Variants in DNMT3B observed in about 807,000 individuals in gnomAD.
The protein encoded by DNMT3B is DNA (cytosine-5)-methyltransferase 3B.
A neutral mutation model predicts 120.2 loss-of-function variants in DNMT3B; 37 were observed. The observed-to-expected ratio is 0.31, with a 90% CI of 0.24 to 0.40. The LOEUF is 0.40. DNMT3B is among the 10% of genes least tolerant of loss of function. The probability of loss-of-function intolerance (pLI) is 1.00; values close to 1 mark genes in which losing one functional copy is unlikely to be tolerated. For missense variants in DNMT3B, 878 were observed against 1,137.3 expected, an observed-to-expected ratio of 0.77 and a Z score of 3.28; for synonymous variants, 412 against 442.8, an observed-to-expected ratio of 0.93 and a Z score of 0.87.
rs147854568 is a variant in DNMT3B, at chr20:32,800,724, G to C, written c.1906-111G>C. ...TCCACCCCCGCCGTCAGCCTTCCTG[G>C]GATTACAGGTGTGAGCCACCTCGTC... On this transcript the variant is annotated intron_variant, in intron 17 of 22. Transcript: ENST00000328111. 3.4e-4 allele frequency: 423 copies of C among 1,229,218 alleles called. 2 individuals are homozygous for C. In the African/African-American group the frequency reaches 5.9e-3, roughly 17 times the overall value. 76.1% of individuals were successfully genotyped at this position (1,229,218 alleles called of 1,614,324 possible). A position where few individuals can be genotyped will look rare whatever the true frequency, so the allele number is the denominator to read the frequency against.
intron 1 of DNMT3B, among the ~76,000 whole-genome samples, chr20:32,771,436 T>A (rs1238368849): frequency 1.3e-5 from 2 of 151,536 alleles, no homozygotes; most frequent in African/African-American, 2.4e-5. Context: ...AGGTCAGGAG[T>A]TCGAGACCAG....
rs1421262619 is a variant in DNMT3B at position 32,775,308 on chromosome 20, A to G, written c.-6-5010A>G. 3.9e-5 allele frequency among the ~76,000 whole-genome samples: 6 copies of G among 152,164 alleles called. No individual in the cohort carries two copies. In the East Asian group the frequency reaches 1.2e-3, roughly 29 times the overall value. On this transcript the variant is annotated intron_variant, in intron 1 of 22. Coordinates refer to ENST00000328111, the MANE Select transcript of DNMT3B (RefSeq NM_006892.4). ...ATACCAAAGTGACCCCCCTTCCTGC[A>G]TTGTGAGGTTTAATTAATGCAATTA...
chr20:32,780,039 G>A (rs1978388245), intron 1 of DNMT3B: 1 of 1,574,568 alleles, frequency 6.4e-7, no homozygotes, highest in Admixed American at 1.8e-5. Context: ...AGAGCAGTCT[G>A]AGCCTGAGAC....
At chr20:32,805,204 C>T (rs1981829682) in intron 20 of DNMT3B, 134 bp from the exon 21 acceptor site, 11 of 1,145,930 alleles carry the variant, frequency 9.6e-6, no homozygotes, top group Non-Finnish European at 1.4e-5. Context: ...ATGCCAGGAT[C>T]ATTTTCATCA....
intron 5 of DNMT3B, among the ~76,000 whole-genome samples, 166 bp from the exon 6 acceptor site, chr20:32,787,064 C>T (rs79428919): frequency 1.3e-5 from 2 of 152,334 alleles, no homozygotes; most frequent in East Asian, 3.9e-4. Context: ...CTTTCTCCCC[C>T]CTTAAGGGAT....
rs553511280 is a variant in DNMT3B at position 32,801,202 on chromosome 20, G to C, written c.1997-76G>C. The C allele has an allele frequency of 1.9e-4, 305 of 1,607,388 alleles. 6 individuals are homozygous for C. In the South Asian group the frequency reaches 3.3e-3, roughly 17 times the overall value. ...ACTGTCAGGAGGCCATTGGGAACCT[G>C]CTGGTCTCAGGGAATAAGGTGGGTT... On this transcript the variant is annotated intron_variant, in intron 18 of 22. Transcript: ENST00000328111.
chr20:32,791,542 T>C (rs1737484023), intron 7 of DNMT3B, 59 bp from the exon 8 acceptor site: 2 of 1,540,026 alleles, frequency 1.3e-6, no homozygotes, highest in Admixed American at 3.4e-5. Flanking sequence ...AACATTGTGA[T>C]AGACATGGCA....
chr20:32,776,366 C>G (rs554458628), intron 1 of DNMT3B, among the ~76,000 whole-genome samples: 1 of 152,186 alleles, frequency 6.6e-6, no homozygotes, highest in Admixed American at 6.5e-5. Context: ...GTCTGCCACT[C>G]TGGATAGGTC....
chr20:32,775,806 C>CG (rs773802741), intron 1 of DNMT3B, among the ~76,000 whole-genome samples: 25 of 152,388 alleles, frequency 1.6e-4, no homozygotes, highest in African/African-American at 5.5e-4. Context: ...GTCTCAGTTA[C>CG]GGCAATTCCA....
In DNMT3B at chr20:32,802,291, A is replaced by T. The variant is rs563509926; in HGVS notation, c.2146-94A>T. The T allele has an allele frequency of 2.3e-5, 31 of 1,333,744 alleles. No individual in the cohort carries two copies. The East Asian group carries it at 6.7e-4, about 29-fold the overall frequency. 82.6% of individuals were successfully genotyped at this position (1,333,744 alleles called of 1,614,324 possible). On this transcript the variant is annotated intron_variant, in intron 19 of 22. Transcript: ENST00000328111. ...GTTTTGGAGGATCCGTGCCTCATCC[A>T]TAGTCAGGGAATAGCCCTGTCACCT...
chr20:32,787,907 G>C (rs1979516780), intron 6 of DNMT3B, among the ~76,000 whole-genome samples: 1 of 152,080 alleles, frequency 6.6e-6, no homozygotes, highest in Non-Finnish European at 1.5e-5. Flanking sequence ...TACAGTCAAA[G>C]GGGGTTTGTT....
Position 32,808,333 on chromosome 20 carries a change from A to C in DNMT3B, c.*430A>C. ...GTTATTGCAAGAGTTTAATTTTTGA[A>C]AACTGGCTACTGCTCTGTGTTTACA... On this transcript the variant is annotated 3_prime_UTR_variant, in exon 23 of 23. Coordinates refer to ENST00000328111, the MANE Select transcript of DNMT3B (RefSeq NM_006892.4). The C allele has an allele frequency of 9.6e-6, 3 of 312,664 alleles. No individual in the cohort carries two copies. The highest frequency in any genetic ancestry group is 1.8e-5 in the Non-Finnish European group (3 of 165,754). 19.4% of individuals were successfully genotyped at this position (312,664 alleles called of 1,614,324 possible).
rs749501031 is a variant in DNMT3B at position 32,787,395 on chromosome 20, A to G, written c.598A>G (p.Met200Val). The G allele has an allele frequency of 6.2e-7, 1 of 1,614,226 alleles. No individual in the cohort carries two copies. The highest frequency in any genetic ancestry group is 1.1e-5 in the South Asian group (1 of 91,090). ...AGCCCAGGACAGCCAGCAGGGGGGC[A>G]TGGAGTCCCCGCAGGTGGAGGCAGA... ...RLAQDSQQGG[M>V]ESPQVEADSG... The change falls in exon 6 of 23, where the codon ATG becomes GTG. Residue 200 changes from methionine to valine, a missense_variant. Physicochemically the swap from Met to Val is conservative, Grantham distance 21. This residue lies in a region of DNMT3B where 287 missense variants were observed against 306.2 expected (regional missense o/e 0.94). Transcript: ENST00000328111.
At chr20:32,766,817 A>G (rs1041219918) in intron 1 of DNMT3B, among the ~76,000 whole-genome samples, 1 of 152,008 alleles carries the variant, frequency 6.6e-6, no homozygotes, top group Non-Finnish European at 1.5e-5. Context: ...GGCTCAAGCA[A>G]TCTATCCTCC....
At chr20:32,788,450 C>T (rs1979586532) in intron 6 of DNMT3B, among the ~76,000 whole-genome samples, 1 of 152,208 alleles carries the variant, frequency 6.6e-6, no homozygotes, top group African/African-American at 2.4e-5. Flanking sequence ...GTTAGGATCC[C>T]TTTTTTCTAT....
chr20:32,792,560 C>A (rs1180970917), intron 8 of DNMT3B, 66 bp from the exon 9 acceptor site: 1 of 1,612,616 alleles, frequency 6.2e-7, no homozygotes, highest in Non-Finnish European at 8.5e-7. Flanking sequence ...TGGGGGAATC[C>A]CTGGGTGTGG....
Position 32,780,419 on chromosome 20 carries a change from C to A in DNMT3B, c.96C>A (p.Ser32=). ...ACGGGGCCTGCAGCGACCAGTCCTC[C>A]GACTCGCCCCCAATCCTGGAGGCTA... ...LVNGACSDQS[S]DSPPILEAIR... The change falls in exon 2 of 23, where the codon TCC becomes TCA. Residue 32 remains serine (S), a synonymous_variant. Transcript: ENST00000328111. 6.2e-7 allele frequency: 1 copy of A among 1,613,732 alleles called. No homozygotes were observed.
Position 32,780,444 on chromosome 20 carries a change from A to G in DNMT3B, c.121A>G (p.Ile41Val), listed in dbSNP as rs1261539595. 1.2e-6 allele frequency: 2 copies of G among 1,613,428 alleles called. No homozygotes were observed. Among genetic ancestry groups the G allele is most frequent in the Non-Finnish European group, 1.7e-6 (2 of 1,179,956 alleles). Reference sequence around the variant, plus strand: ...CGACTCGCCCCCAATCCTGGAGGCTATCCGCACCCCGGAGATCAGAGGTGG... The same window carrying G: ...CGACTCGCCCCCAATCCTGGAGGCTGTCCGCACCCCGGAGATCAGAGGTGG... ...SSDSPPILEAIRTPEIRGRRS... is the reference protein window; with the variant it reads ...SSDSPPILEAVRTPEIRGRRS... The change falls in exon 2 of 23, where the codon ATC becomes GTC. Residue 41 changes from isoleucine to valine, a missense_variant. By Grantham distance (29) the Ile-to-Val change is conservative. This residue lies in a region of DNMT3B where 287 missense variants were observed against 306.2 expected (regional missense o/e 0.94). Transcript: ENST00000328111.
intron 3 of DNMT3B, among the ~76,000 whole-genome samples, chr20:32,782,033 GA>G (rs1464881220): frequency 2.0e-5 from 3 of 152,198 alleles, no homozygotes; most frequent in Non-Finnish European, 4.4e-5. Flanking sequence ...TCTCAAAAAG[GA>G]AAGAAGAAAT....
Sources: gnomAD v4.1 joint callset for allele counts (sites outside exome capture counted in the v4.1 genomes callset) on GRCh38, gnomAD v4.1.1 for gene constraint, gnomAD v4.1.1 regional missense constraint, MANE v1.5 for transcripts, NCBI Gene and HGNC (gene_info 2026-07-23, HGNC 2026-07-21) for gene names.